The following KHDRBS2 variants were observed in gnomAD, a reference collection of about 807,000 sequenced individuals.
KHDRBS2 encodes the protein KH domain-containing, RNA-binding, signal transduction-associated protein 2.
KHDRBS2 carries 26 observed loss-of-function variants against 44.3 expected under a neutral mutation model. The ratio of observed to expected loss-of-function variants is 0.59; its 90% CI spans 0.43 to 0.81. The LOEUF (loss-of-function observed/expected upper bound fraction) is 0.81, where lower values mean the gene tolerates loss of function less well. Ranked by LOEUF, KHDRBS2 falls within the 40% of genes least tolerant of loss-of-function variation. KHDRBS2 has a pLI of 0.00. For missense variants in KHDRBS2, 476 were observed against 433.1 expected (o/e 1.10, Z -0.88); for synonymous variants, 194 against 151.1 (o/e 1.28, Z -2.08).
At chr6:62,262,352 T>C (rs1436519640) in intron 1 of KHDRBS2, among the ~76,000 whole-genome samples, 1 of 151,716 alleles carries the variant, frequency 6.6e-6, no homozygotes, top group Non-Finnish European at 1.5e-5. Flanking sequence ...ACCGATTGCT[T>C]TATAAAAAGA....
chr6:61,817,944 T>A (rs2127247187), intron 6 of KHDRBS2, among the ~76,000 whole-genome samples: 2 of 152,206 alleles, frequency 1.3e-5, no homozygotes, highest in South Asian at 4.1e-4. Flanking sequence ...GCTGTCCATG[T>A]GGAGTTCTGT....
At chr6:61,637,499 T>C in the KHDRBS2 span, among the ~76,000 whole-genome samples, 1 of 152,178 alleles carries the variant, frequency 6.6e-6, no homozygotes, top group Non-Finnish European at 1.5e-5. Flanking sequence ...AACATATGTG[T>C]GCGTGTGTCT....
chr6:61,909,337 G>T (rs1378648293), intron 4 of KHDRBS2, among the ~76,000 whole-genome samples: 1 of 152,024 alleles, frequency 6.6e-6, no homozygotes, highest in Non-Finnish European at 1.5e-5. Context: ...CCAAAATGCT[G>T]GGATTACAGG....
intron 2 of KHDRBS2, among the ~76,000 whole-genome samples, chr6:62,056,666 C>A (rs1179620032): frequency 3.3e-5 from 5 of 151,940 alleles, no homozygotes; most frequent in Non-Finnish European, 7.4e-5. Context: ...TTAAATGTCA[C>A]TGAACTTCTC....
At chr6:62,142,718 T>C (rs1813104654) in intron 2 of KHDRBS2, among the ~76,000 whole-genome samples, 1 of 151,962 alleles carries the variant, frequency 6.6e-6, no homozygotes, top group East Asian at 1.9e-4. Flanking sequence ...CTATCAGCTA[T>C]ATGTGTATAC....
At chr6:61,927,546 A>AAT (rs1722300196) in intron 4 of KHDRBS2, among the ~76,000 whole-genome samples, 1 of 152,070 alleles carries the variant, frequency 6.6e-6, no homozygotes, top group Non-Finnish European at 1.5e-5. Context: ...TGCTCATTTA[A>AAT]ATATATATAA....
At chr6:61,702,705 C>T (rs1768885434) in intron 7 of KHDRBS2, among the ~76,000 whole-genome samples, 1 of 151,734 alleles carries the variant, frequency 6.6e-6, no homozygotes, top group South Asian at 2.1e-4. Context: ...GCAATTGGAA[C>T]AGTAAAACAA....
At chr6:62,117,697 G>T (rs1253694763) in intron 2 of KHDRBS2, among the ~76,000 whole-genome samples, 1 of 151,952 alleles carries the variant, frequency 6.6e-6, no homozygotes, top group Non-Finnish European at 1.5e-5. Flanking sequence ...AATGTCCTGA[G>T]GTGTTTTTCC....
chr6:61,737,554 G>A (rs1487844122), intron 6 of KHDRBS2, among the ~76,000 whole-genome samples: 13 of 151,998 alleles, frequency 8.6e-5, no homozygotes, highest in African/African-American at 1.9e-4. Flanking sequence ...AAAACAGACC[G>A]TAAGTTAATC....
intron 1 of KHDRBS2, among the ~76,000 whole-genome samples, chr6:62,280,382 G>C (rs1406647130): frequency 2.6e-5 from 4 of 152,178 alleles, no homozygotes; most frequent in East Asian, 1.9e-4. Context: ...GTCAAAAAAG[G>C]AAGTAAAACC....
intron 4 of KHDRBS2, among the ~76,000 whole-genome samples, chr6:61,961,292 G>A (rs1387243548): frequency 1.3e-5 from 2 of 151,970 alleles, no homozygotes; most frequent in Non-Finnish European, 2.9e-5. Context: ...ATTCTAGTAG[G>A]GGAGAATGTA....
the KHDRBS2 span, among the ~76,000 whole-genome samples, chr6:61,556,379 A>G: frequency 2.7e-3 from 414 of 152,338 alleles, 2 homozygotes; most frequent in African/African-American, 9.5e-3. Context: ...CAAAAAATCA[A>G]TAAGAATGGG....
chr6:62,094,049 C>A (rs763188966), intron 2 of KHDRBS2, among the ~76,000 whole-genome samples: 1 of 151,818 alleles, frequency 6.6e-6, no homozygotes, highest in East Asian at 1.9e-4. Context: ...TACCCAGTAG[C>A]GGGATTGCTA....
intron 6 of KHDRBS2, among the ~76,000 whole-genome samples, chr6:61,819,879 G>C (rs1205068700): frequency 6.6e-6 from 1 of 151,986 alleles, no homozygotes; most frequent in Non-Finnish European, 1.5e-5. Flanking sequence ...CAAGCAGTCT[G>C]ATTAAAGGAA....
rs138679009 is a variant in KHDRBS2, at chr6:61,926,396, G to C, written c.484-25025C>G. On this transcript the variant is annotated intron_variant, in intron 4 of 8. Transcript: ENST00000281156. ...CCTCTGCAGGCAAACGGATTACAAA[G>C]GCTTTTTATCTAGAGTGCTTTTGAA... Among the ~76,000 whole-genome samples the C allele has an allele frequency of 2.0e-3, 297 of 152,232 alleles. 3 individuals are homozygous for C. The highest frequency in any genetic ancestry group is 6.9e-3 in the African/African-American group (287 of 41,546).
chr6:62,230,756 T>C (rs1563102228), intron 1 of KHDRBS2, among the ~76,000 whole-genome samples: 1 of 152,218 alleles, frequency 6.6e-6, no homozygotes, highest in Non-Finnish European at 1.5e-5. Context: ...ATCCCAACTA[T>C]GATGTTTCAG....
At chr6:62,107,235 T>A (rs1438363417) in intron 2 of KHDRBS2, among the ~76,000 whole-genome samples, 1 of 152,132 alleles carries the variant, frequency 6.6e-6, no homozygotes, top group Non-Finnish European at 1.5e-5. Flanking sequence ...GATAAGCAAC[T>A]TCAGCAAAGT....
chr6:61,951,182 A>G (rs1361218341), intron 4 of KHDRBS2, among the ~76,000 whole-genome samples: 2 of 152,072 alleles, frequency 1.3e-5, no homozygotes, highest in Admixed American at 6.6e-5. Flanking sequence ...AACCTGTATA[A>G]GGTGCAGATT....
At chr6:61,683,019 AGAATGTACTACTTTT>A (rs1208408636) in intron 8 of KHDRBS2, among the ~76,000 whole-genome samples, 3 of 151,892 alleles carry the variant, frequency 2.0e-5, no homozygotes, top group African/African-American at 7.2e-5. Context: ...TTTAACAAAA[AGAATGTACTACTTTT>A]TGCTCCAATT....
Sources: gnomAD v4.1 joint callset for allele counts (sites outside exome capture counted in the v4.1 genomes callset) on GRCh38, gnomAD v4.1.1 for gene constraint, MANE v1.5 for transcripts, NCBI Gene and HGNC (gene_info 2026-07-23, HGNC 2026-07-21) for gene names.